The following CCDC7 variants were observed in gnomAD, a reference collection of about 807,000 sequenced individuals.
The protein encoded by CCDC7 is coiled-coil domain containing 7.
CCDC7 carries 183 observed loss-of-function variants against 196.9 expected under a neutral mutation model. The observed-to-expected ratio is 0.93, with a 90% CI of 0.82 to 1.05. The LOEUF is 1.05. CCDC7 is among the 50% of genes least tolerant of loss of function. The probability of loss-of-function intolerance (pLI) is 0.00; values close to 1 mark genes in which losing one functional copy is unlikely to be tolerated. For missense variants in CCDC7, 1,540 were observed against 1,482.2 expected, an observed-to-expected ratio of 1.04 and a Z score of -0.64; for synonymous variants, 525 against 484.6, an observed-to-expected ratio of 1.08 and a Z score of -1.10.
At chr10:32,696,128 G>A (rs184726970) in intron 24 of CCDC7, among the ~76,000 whole-genome samples, 132 of 152,156 alleles carry the variant, frequency 8.7e-4, no homozygotes, top group African/African-American at 3.1e-3. Flanking sequence ...ATTCGCCTCA[G>A]GGACTGGGGG....
intron 33 of CCDC7, among the ~76,000 whole-genome samples, chr10:32,841,581 A>G (rs1334954646): frequency 3.9e-5 from 6 of 152,110 alleles, no homozygotes; most frequent in Non-Finnish European, 8.8e-5. Context: ...TCAAAATACC[A>G]ACATCATTCT....
At chr10:32,834,050 C>T (rs1266966427) in intron 32 of CCDC7, among the ~76,000 whole-genome samples, 7 of 151,756 alleles carry the variant, frequency 4.6e-5, no homozygotes. Flanking sequence ...TGTCATTGAC[C>T]CTAGCAGTTG....
intron 41 of CCDC7, among the ~76,000 whole-genome samples, chr10:32,856,066 A>G (rs2093741537): frequency 6.6e-6 from 1 of 152,226 alleles, no homozygotes; most frequent in Non-Finnish European, 1.5e-5. Context: ...TTACACAGAC[A>G]AAAATTAACT....
At chr10:32,525,799 G>T (rs1226490834) in intron 11 of CCDC7, among the ~76,000 whole-genome samples, 1 of 152,188 alleles carries the variant, frequency 6.6e-6, no homozygotes, top group Non-Finnish European at 1.5e-5. Context: ...ATAAGATCCA[G>T]AAGGATTCTC....
chr10:32,638,756 G>A (rs2066141684), intron 20 of CCDC7, among the ~76,000 whole-genome samples: 1 of 152,180 alleles, frequency 6.6e-6, no homozygotes, highest in Non-Finnish European at 1.5e-5. Flanking sequence ...AAATGAGTTA[G>A]GGTGGATTCC....
chr10:32,545,055 C>G (rs1203284793), intron 13 of CCDC7, among the ~76,000 whole-genome samples: 1 of 152,218 alleles, frequency 6.6e-6, no homozygotes, highest in Non-Finnish European at 1.5e-5. Flanking sequence ...ACATTCAAGT[C>G]TAGCAGAAAG....
At chr10:32,494,386 G>GTTT (rs34832140) in intron 9 of CCDC7, among the ~76,000 whole-genome samples, 2 of 147,134 alleles carry the variant, frequency 1.4e-5, no homozygotes, top group Non-Finnish European at 1.5e-5. Flanking sequence ...GGCTATGTCT[G>GTTT]TTTTTTTTTT....
At chr10:32,810,593 G>A (rs187821279) in intron 30 of CCDC7, among the ~76,000 whole-genome samples, 2 of 152,170 alleles carry the variant, frequency 1.3e-5, no homozygotes, top group East Asian at 1.9e-4. Context: ...CTCATTCTCA[G>A]CATTAGACAG....
chr10:32,496,850 T>A (rs1007994246), intron 9 of CCDC7, among the ~76,000 whole-genome samples: 15 of 152,122 alleles, frequency 9.9e-5, no homozygotes, highest in African/African-American at 3.6e-4. Context: ...GCTTAAAATT[T>A]TCTTTTTTTG....
At chr10:32,699,864 A>G (rs1176943235) in intron 24 of CCDC7, among the ~76,000 whole-genome samples, 3 of 149,518 alleles carry the variant, frequency 2.0e-5, no homozygotes, top group East Asian at 1.9e-4. Context: ...TTTGAGAAGT[A>G]TCTGTTCATA....
intron 31 of CCDC7, among the ~76,000 whole-genome samples, chr10:32,820,951 C>G (rs1230247154): frequency 6.6e-6 from 1 of 152,032 alleles, no homozygotes; most frequent in African/African-American, 2.4e-5. Context: ...GCAACAAAAG[C>G]CTAAATTGAC....
chr10:32,709,953 T>G (rs1051859974), intron 24 of CCDC7, among the ~76,000 whole-genome samples: 2 of 152,186 alleles, frequency 1.3e-5, no homozygotes, highest in Non-Finnish European at 2.9e-5. Flanking sequence ...TGGGTCTGTA[T>G]AGCCAGATAA....
intron 35 of CCDC7, 39 bp downstream of exon 36, chr10:32,845,665 A>G (rs762505242): frequency 1.3e-6 from 2 of 1,527,628 alleles, no homozygotes; most frequent in South Asian, 1.1e-5. Context: ...TTTATGGTTT[A>G]TTTATATTCC....
chr10:32,544,257 C>A, exon 13 of CCDC7: 1 of 1,604,086 alleles, frequency 6.2e-7, no homozygotes, highest in African/African-American at 1.3e-5. Flanking sequence ...GAAGATGTCT[C>A]CAGAAAAAGA....
intron 20 of CCDC7, among the ~76,000 whole-genome samples, chr10:32,658,518 T>C (rs1223717417): frequency 1.3e-5 from 2 of 152,192 alleles, no homozygotes; most frequent in Non-Finnish European, 2.9e-5. Flanking sequence ...ATCATTCAAT[T>C]ACCTCCTGCT....
At chr10:32,717,741 G>A (rs565932043) in intron 25 of CCDC7, among the ~76,000 whole-genome samples, 36 of 152,008 alleles carry the variant, frequency 2.4e-4, no homozygotes, top group African/African-American at 6.0e-4. Context: ...AGAGAATACC[G>A]TAAACACCTT....
At chr10:32,614,255 T>C (rs1270776261) in intron 18 of CCDC7, among the ~76,000 whole-genome samples, 14 of 151,992 alleles carry the variant, frequency 9.2e-5, no homozygotes, top group Admixed American at 7.2e-4. Context: ...CTTTTCTTTT[T>C]TTTTTTGCTT....
intron 28 of CCDC7, among the ~76,000 whole-genome samples, chr10:32,775,137 G>A (rs1417409187): frequency 6.6e-6 from 1 of 152,082 alleles, no homozygotes; most frequent in Admixed American, 6.5e-5. Flanking sequence ...TATGATTACT[G>A]CTATAAAGGC....
At chr10:32,515,524 C>T (rs551655518) in intron 9 of CCDC7, among the ~76,000 whole-genome samples, 11 of 151,998 alleles carry the variant, frequency 7.2e-5, no homozygotes, top group Admixed American at 2.0e-4. Flanking sequence ...TGCAAAAGAA[C>T]GAGGCTGGAT....
Sources: gnomAD v4.1 joint callset for allele counts (sites outside exome capture counted in the v4.1 genomes callset) on GRCh38, gnomAD v4.1.1 for gene constraint, MANE v1.5 for transcripts, NCBI Gene and HGNC (gene_info 2026-07-23, HGNC 2026-07-21) for gene names.